SP140L: variants seen among roughly 807,000 people sequenced by gnomAD.
The protein encoded by SP140L is nuclear body protein SP140-like protein.
Under a neutral mutation model 84.3 loss-of-function variants are expected in SP140L, and 64 were observed. The observed-to-expected ratio is 0.76, with a 90% CI of 0.62 to 0.94. The LOEUF is 0.94. SP140L is among the 40% of genes least tolerant of loss of function. The probability of loss-of-function intolerance (pLI) is 0.00; values close to 1 mark genes in which losing one functional copy is unlikely to be tolerated. For synonymous variants in SP140L, 242 were observed against 236.9 expected, an observed-to-expected ratio of 1.02 and a Z score of -0.20; for missense variants, 628 against 692.5, an observed-to-expected ratio of 0.91 and a Z score of 1.05.
At chr2:230,327,579 C>T (rs1341964769) in intron 1 of SP140L, among the ~76,000 whole-genome samples, 11 of 152,092 alleles carry the variant, frequency 7.2e-5, no homozygotes, top group Non-Finnish European at 1.3e-4. Context: ...TCTGAACAGT[C>T]GTTTCAGTCA....
At chr2:230,367,313 GAC>G (rs1336777856) in intron 5 of SP140L, among the ~76,000 whole-genome samples, 35 of 63,094 alleles carry the variant, frequency 5.5e-4, no homozygotes, top group African/African-American at 2.7e-3. Context: ...TTTTTTTTGA[GAC>G]AGAGTCTCAC....
intron 8 of SP140L, among the ~76,000 whole-genome samples, chr2:230,383,924 A>AAT (rs924164879): frequency 5.9e-5 from 9 of 152,058 alleles, no homozygotes; most frequent in Non-Finnish European, 8.8e-5. Flanking sequence ...GCAACTGTAA[A>AAT]ATATATATAT....
chr2:230,394,649 C>T (rs2061968638), intron 13 of SP140L, among the ~76,000 whole-genome samples: 1 of 152,200 alleles, frequency 6.6e-6, no homozygotes, highest in South Asian at 2.1e-4. Flanking sequence ...ACCGACTCTC[C>T]CTCTATTCAG....
At chr2:230,361,979 A>G (rs2060732934) in intron 5 of SP140L, among the ~76,000 whole-genome samples, 1 of 152,188 alleles carries the variant, frequency 6.6e-6, no homozygotes, top group Non-Finnish European at 1.5e-5. Context: ...TGTAATTGTG[A>G]TTTAGAAAGG....
At chr2:230,336,881 C>G (rs2059897985) in intron 2 of SP140L, among the ~76,000 whole-genome samples, 1 of 152,146 alleles carries the variant, frequency 6.6e-6, no homozygotes, top group Non-Finnish European at 1.5e-5. Flanking sequence ...TTGTATTACT[C>G]TTCAGTCTAA....
At chr2:230,372,724 CAAAAAAAAA>C (rs58923161) in intron 7 of SP140L, 3 of 90,366 alleles carry the variant, frequency 3.3e-5, no homozygotes, top group African/African-American at 1.3e-4. Flanking sequence ...GACTCCGTCT[CAAAAAAAAA>C]AAAAAAAAAA....
chr2:230,358,526 G>A (rs996753720), intron 3 of SP140L, among the ~76,000 whole-genome samples: 1 of 152,160 alleles, frequency 6.6e-6, no homozygotes. Context: ...TGCTTCCTCT[G>A]TGGCCAAGTT....
At chr2:230,400,097 C>G in intron 14 of SP140L, 30 bp from the exon 15 acceptor site, 2 of 1,611,656 alleles carry the variant, frequency 1.2e-6, no homozygotes, top group Non-Finnish European at 1.7e-6. Flanking sequence ...TTGTGATTCC[C>G]AGTGACGTGG....
intron 7 of SP140L, 170 bp downstream of exon 7, chr2:230,371,821 TGCTATCTTACATG>T: frequency 1.6e-6 from 1 of 640,190 alleles, no homozygotes; most frequent in South Asian, 1.6e-5. Context: ...ACCTGTAATC[TGCTATCTTACATG>T]GCAAACGGGA....
intron 7 of SP140L, among the ~76,000 whole-genome samples, chr2:230,376,877 A>G (rs1200072645): frequency 2.6e-5 from 4 of 152,160 alleles, no homozygotes; most frequent in African/African-American, 4.8e-5. Flanking sequence ...ACATAAACCA[A>G]TGGAATAGAA....
Position 230,358,988 on chromosome 2 carries a change from C to G in SP140L, c.295C>G (p.Leu99Val). ...GGATTCTGAAGATTCTTGTAGAAAC[C>G]TGGTCCCTGTACAAAGAGTGGTGTA... The part of the protein sequence containing the change: ...FEDSEDSCRN[L>V]VPVQRVVYNV... The change falls in exon 4 of 19, where the codon CTG (leucine) becomes GTG (valine). Residue 99 changes from leucine to valine, a missense_variant. Physicochemically the swap from Leu to Val is conservative, Grantham distance 32. Coordinates refer to ENST00000415673, the MANE Select transcript of SP140L (RefSeq NM_138402.6). The G allele has an allele frequency of 1.9e-6, 3 of 1,594,826 alleles. No individual in the cohort carries two copies. Among genetic ancestry groups the G allele is most frequent in the Non-Finnish European group, 2.6e-6 (3 of 1,174,800 alleles).
chr2:230,348,410 A>G (rs1367610326), intron 2 of SP140L, among the ~76,000 whole-genome samples: 3 of 152,350 alleles, frequency 2.0e-5, no homozygotes, highest in East Asian at 3.9e-4. Context: ...GTATGTGTTT[A>G]TAGCCATTCC....
intron 7 of SP140L, 45 bp from the exon 8 acceptor site, chr2:230,383,465 T>C: frequency 1.3e-6 from 2 of 1,529,686 alleles, no homozygotes; most frequent in Non-Finnish European, 1.8e-6. Context: ...CAAATAATTA[T>C]ATTTATTCCT....
chr2:230,402,853 T>C lies in SP140L; in HGVS notation c.1700T>C (p.Phe567Ser), dbSNP rs772229749. 5 of 1,613,308 alleles carry C rather than the reference T, an allele frequency of 3.1e-6. No homozygotes were observed. In the South Asian group the frequency reaches 4.4e-5, roughly 14 times the overall value. Residue 567 changes from phenylalanine (F) to serine (S), a missense_variant, in exon 19 of 19, where the codon TTC (phenylalanine) becomes TCC (serine). By Grantham distance (155) the Phe-to-Ser change is radical. Transcript: ENST00000415673. The part of the protein sequence containing the change: ...LRLEAEFEKD[F>S]KEVFAIQETN... ...CTGGAGGCTGAATTTGAGAAGGATT[T>C]CAAGGAAGTGTTTGCTATTCAGGAA...
intron 10 of SP140L, 35 bp from the exon 11 acceptor site, chr2:230,389,884 A>G: frequency 6.2e-7 from 1 of 1,607,422 alleles, no homozygotes. Context: ...GTGCCTTTGC[A>G]AAGTGAGACA....
At position 230,389,954 on chromosome 2, in the gene SP140L, C is replaced by A. The variant is rs1391508895; in HGVS notation, c.895C>A (p.Gln299Lys). ...RKHKDETVDF[Q>K]APLLPVTCGG... Reference sequence around the variant, plus strand: ...GCACAAAGATGAAACTGTGGATTTTCAGGCTCCTTTACTTCCAGTGACCTG... The same window carrying A: ...GCACAAAGATGAAACTGTGGATTTTAAGGCTCCTTTACTTCCAGTGACCTG... Residue 299 changes from glutamine (Q) to lysine (K), a missense_variant, in exon 11 of 19, where the codon CAG becomes AAG. Transcript: ENST00000415673. The A allele has an allele frequency of 6.2e-7, 1 of 1,613,716 alleles. No homozygotes were observed. Among genetic ancestry groups the A allele is most frequent in the Non-Finnish European group, 8.5e-7 (1 of 1,179,820 alleles).
intron 13 of SP140L, 23 bp downstream of exon 13, chr2:230,393,484 C>G (rs745768835): frequency 3.9e-5 from 60 of 1,552,964 alleles, no homozygotes; most frequent in East Asian, 9.4e-5. Flanking sequence ...TAATTTTCTA[C>G]AGATTCTTGT....
intron 2 of SP140L, among the ~76,000 whole-genome samples, chr2:230,350,930 T>C (rs2060345598): frequency 6.6e-6 from 1 of 152,128 alleles, no homozygotes. Flanking sequence ...TATGTCTGGT[T>C]AGTCAAGAAA....
chr2:230,400,839 C>T (rs1312640525), intron 15 of SP140L, 116 bp from the exon 16 acceptor site: 26 of 1,574,480 alleles, frequency 1.7e-5, no homozygotes, highest in Non-Finnish European at 2.2e-5. Flanking sequence ...GAGGTGTTCC[C>T]CTCCCTCCCA....
Sources: allele counts gnomAD v4.1 joint callset (sites outside exome capture counted in the v4.1 genomes callset), GRCh38; gene constraint gnomAD v4.1.1; transcripts MANE v1.5; gene names NCBI Gene and HGNC (gene_info 2026-07-23, HGNC 2026-07-21).